The following TOX variants were observed in gnomAD, a reference collection of about 807,000 sequenced individuals.
TOX encodes the protein thymocyte selection-associated high mobility group box protein TOX.
In TOX, 11 loss-of-function variants were observed where a neutral mutation model predicts 53.7. That is an observed-to-expected ratio of 0.20 (90% confidence interval 0.13 to 0.34). The LOEUF (loss-of-function observed/expected upper bound fraction) is 0.34, where lower values mean the gene tolerates loss of function less well. Among genes scored for constraint, TOX ranks in the 10% least tolerant of loss-of-function variants. TOX has a pLI of 1.00. For synonymous variants in TOX, 225 were observed against 245.3 expected (o/e 0.92, Z 0.77); for missense variants, 570 against 664.6 (o/e 0.86, Z 1.56).
At chr8:58,964,746 C>G (rs1239162134) in intron 1 of TOX, among the ~76,000 whole-genome samples, 1 of 152,282 alleles carries the variant, frequency 6.6e-6, no homozygotes, top group East Asian at 1.9e-4. Context: ...GAGTTTTCCA[C>G]TATGACATAC....
chr8:58,822,973 G>A (rs1189709356), intron 6 of TOX, among the ~76,000 whole-genome samples: 2 of 152,142 alleles, frequency 1.3e-5, no homozygotes, highest in East Asian at 3.8e-4. Flanking sequence ...AGGAACACGT[G>A]TAAAATGCCT....
At chr8:58,982,324 T>C (rs1813221407) in intron 1 of TOX, among the ~76,000 whole-genome samples, 1 of 152,202 alleles carries the variant, frequency 6.6e-6, no homozygotes, top group Admixed American at 6.5e-5. Context: ...ACACACCCTC[T>C]TCTTGGGAAT....
intron 1 of TOX, among the ~76,000 whole-genome samples, chr8:59,055,727 T>C (rs1803878215): frequency 6.6e-6 from 1 of 152,182 alleles, no homozygotes; most frequent in Admixed American, 6.5e-5. Flanking sequence ...GAAAACACTT[T>C]AATTTTAAAG....
At chr8:58,998,519 ATATATATATATATATATATAAATT>A (rs1342604173) in intron 1 of TOX, among the ~76,000 whole-genome samples, 2 of 120,962 alleles carry the variant, frequency 1.7e-5, no homozygotes, top group African/African-American at 6.9e-5. Context: ...ATATATATAT[ATATATATATATATATATATAAATT>A]TATATATAAT....
chr8:58,891,258 T>C (rs887533308), intron 3 of TOX, among the ~76,000 whole-genome samples: 2 of 152,058 alleles, frequency 1.3e-5, no homozygotes, highest in Admixed American at 6.6e-5. Flanking sequence ...AGACAAAATA[T>C]TTAAAATACA....
At chr8:58,977,545 C>T (rs1362982257) in intron 1 of TOX, among the ~76,000 whole-genome samples, 1 of 152,216 alleles carries the variant, frequency 6.6e-6, no homozygotes, top group East Asian at 1.9e-4. Context: ...GGCTGTTTGG[C>T]ACAAAAGGCC....
chr8:59,079,789 C>G (rs990918070), intron 1 of TOX, among the ~76,000 whole-genome samples: 4 of 152,068 alleles, frequency 2.6e-5, no homozygotes, highest in Non-Finnish European at 5.9e-5. Context: ...TCCTCCAGAC[C>G]CAAGGATGGT....
At chr8:58,944,652 C>T (rs4527858) in intron 2 of TOX, among the ~76,000 whole-genome samples, 46,712 of 152,008 alleles carry the variant, frequency 0.31, 7,441 homozygotes, top group East Asian at 0.4. Context: ...TTAAAAACCA[C>T]GGGGTTCTTA....
intron 3 of TOX, among the ~76,000 whole-genome samples, chr8:58,867,271 T>G (rs1016556740): frequency 1.3e-5 from 2 of 152,172 alleles, no homozygotes; most frequent in African/African-American, 4.8e-5. Context: ...ATCACTTATA[T>G]TTTGATGTTG....
At chr8:59,109,364 C>A (rs1305372862) in intron 1 of TOX, among the ~76,000 whole-genome samples, 1 of 152,112 alleles carries the variant, frequency 6.6e-6, no homozygotes, top group Non-Finnish European at 1.5e-5. Context: ...GTTACAAAAC[C>A]TTTATCACAC....
intron 1 of TOX, among the ~76,000 whole-genome samples, chr8:58,999,010 A>C (rs966585653): frequency 2.0e-5 from 3 of 152,158 alleles, no homozygotes; most frequent in African/African-American, 7.2e-5. Flanking sequence ...TATAACCAAA[A>C]TGTTTACTTT....
At chr8:59,006,363 G>A (rs1003399524) in intron 1 of TOX, among the ~76,000 whole-genome samples, 4 of 152,182 alleles carry the variant, frequency 2.6e-5, no homozygotes, top group African/African-American at 9.7e-5. Flanking sequence ...TTACAGTAAT[G>A]CTATGCCTTG....
At chr8:58,989,423 G>A (rs112981549) in intron 1 of TOX, among the ~76,000 whole-genome samples, 4 of 152,248 alleles carry the variant, frequency 2.6e-5, no homozygotes, top group African/African-American at 9.6e-5. Context: ...GAGATCAACC[G>A]GATGTTGAGA....
rs907961898 is a variant in TOX at position 58,851,286 on chromosome 8, CACAA to C, written c.693+234_693+237del. On this transcript the variant is annotated intron_variant, in intron 4 of 8. Transcript: ENST00000361421. This position sits in a 1 kb window ranked among gnomAD's most constrained non-coding sequence, Gnocchi z 4.4. ...ATATACAGGCCCAACCTTCTGTGGG[CACAA>C]ACAACTTTTACGCTTAACACATCTA... Among the ~76,000 whole-genome samples the C allele has an allele frequency of 6.6e-6, 1 of 151,964 alleles. No individual in the cohort carries two copies. Among genetic ancestry groups the C allele is most frequent in the African/African-American group, 2.4e-5 (1 of 41,334 alleles).
chr8:58,998,056 G>C (rs1333167380), intron 1 of TOX, among the ~76,000 whole-genome samples: 2 of 152,014 alleles, frequency 1.3e-5, no homozygotes, highest in Non-Finnish European at 2.9e-5. Flanking sequence ...CCTGGAAACT[G>C]CTTTTTTAAC....
intron 6 of TOX, among the ~76,000 whole-genome samples, chr8:58,820,681 T>C (rs1810259415): frequency 6.6e-6 from 1 of 152,162 alleles, no homozygotes; most frequent in Non-Finnish European, 1.5e-5. Context: ...GAATGAGGTG[T>C]GAAAACAATG....
chr8:58,859,700 C>T (rs749692612), intron 3 of TOX, among the ~76,000 whole-genome samples: 1 of 152,196 alleles, frequency 6.6e-6, no homozygotes. Context: ...CATCTCACTC[C>T]TTTACACTGT....
intron 1 of TOX, among the ~76,000 whole-genome samples, chr8:59,033,119 C>T (rs915178135): frequency 1.3e-5 from 2 of 152,148 alleles, no homozygotes; most frequent in South Asian, 2.1e-4. Context: ...TTGGATATCT[C>T]TCTTAAGAAG....
intron 1 of TOX, among the ~76,000 whole-genome samples, chr8:58,964,084 C>T (rs903106228): frequency 2.8e-4 from 42 of 151,796 alleles, no homozygotes; most frequent in Admixed American, 2.5e-3. Flanking sequence ...ACAACAACGA[C>T]AACAACAACA....
Sources: allele counts gnomAD v4.1 joint callset (sites outside exome capture counted in the v4.1 genomes callset), GRCh38; gene constraint gnomAD v4.1.1; non-coding constraint Gnocchi (gnomAD v3.1); transcripts MANE v1.5; gene names NCBI Gene and HGNC (gene_info 2026-07-23, HGNC 2026-07-21).